Variants in JMY observed in about 807,000 individuals in gnomAD.
JMY encodes junction mediating and regulatory protein, p53 cofactor.
In JMY, 46 loss-of-function variants were observed where a neutral mutation model predicts 103.3. The observed-to-expected ratio is 0.45, with a 90% confidence interval of 0.35 to 0.57. The LOEUF is 0.57. JMY is among the 20% of genes least tolerant of loss of function. The pLI, the probability that JMY is intolerant of heterozygous loss-of-function variation, is 0.00. For synonymous variants in JMY, 526 were observed against 489.3 expected (o/e 1.07, Z -0.99); for missense variants, 1,238 against 1,255.2 (o/e 0.99, Z 0.21).
chr5:79,321,153 C>T (rs1055928641), intron 10 of JMY, among the ~76,000 whole-genome samples: 2 of 152,180 alleles, frequency 1.3e-5, no homozygotes, highest in Admixed American at 6.5e-5. Context: ...TATATAAATG[C>T]TCCTGTGCTT....
intron 1 of JMY, among the ~76,000 whole-genome samples, chr5:79,272,878 C>T (rs563996052): frequency 9.8e-5 from 15 of 152,318 alleles, no homozygotes; most frequent in African/African-American, 3.6e-4. Flanking sequence ...TCAAGTGATC[C>T]ACCTGCCTCG....
rs1159751209 is a variant in JMY at position 79,316,046 on chromosome 5, T to G, written c.2706T>G (p.Ser902Arg). ...TGCTAGCCTCCTTGAAGCGTGGTAG[T>G]TTTCATCTGAAAAAGGTTGAACAGC... Reference protein sequence around the residue: ...DEVLASLKRGSFHLKKVEQRT... With the variant: ...DEVLASLKRGRFHLKKVEQRT... The change falls in exon 10 of 11, where the codon AGT becomes AGG. Residue 902 changes from serine (S) to arginine (R), a missense_variant. Ser to Arg is a moderately radical substitution (Grantham distance 110). Transcript: ENST00000396137. 2 of 1,614,224 alleles carry G rather than the reference T, an allele frequency of 1.2e-6. No individual in the cohort carries two copies. Among genetic ancestry groups the G allele is most frequent in the East Asian group, 2.2e-5 (1 of 44,888 alleles).
intron 10 of JMY, among the ~76,000 whole-genome samples, chr5:79,319,968 G>A (rs909315348): frequency 1.3e-5 from 2 of 152,280 alleles, no homozygotes; most frequent in East Asian, 1.9e-4. Context: ...GGTAATGAAG[G>A]TCCCTTGTTC....
intron 2 of JMY, chr5:79,284,917 A>G: frequency 6.5e-7 from 1 of 1,540,142 alleles, no homozygotes; most frequent in Non-Finnish European, 8.9e-7. Flanking sequence ...GCCAACCGCC[A>G]TGGTGCTGGT....
chr5:79,243,178 A>G (rs1744792225), intron 1 of JMY, among the ~76,000 whole-genome samples: 1 of 151,772 alleles, frequency 6.6e-6, no homozygotes. Flanking sequence ...TGAAGGGGCA[A>G]GGGGCAAGGA....
rs76334780 is a variant in JMY at position 79,272,946 on chromosome 5, T to C, written c.1033-4964T>C. 4.9e-3 allele frequency among the ~76,000 whole-genome samples: 753 copies of C among 152,324 alleles called. 3 individuals are homozygous for C. Among genetic ancestry groups the C allele is most frequent in the African/African-American group, 0.018 (730 of 41,580 alleles). On this transcript the variant is annotated intron_variant, in intron 1 of 10. Transcript: ENST00000396137. ...CCACTGCACCCAGCCCATCTTATAC[T>C]TAAGAACCCATATGTGTCTGTATAG...
intron 1 of JMY, among the ~76,000 whole-genome samples, chr5:79,267,086 C>T (rs1745607222): frequency 1.3e-5 from 2 of 152,294 alleles, no homozygotes; most frequent in South Asian, 4.1e-4. Flanking sequence ...CTTCATACCT[C>T]TCTCCTGCCT....
intron 1 of JMY, among the ~76,000 whole-genome samples, chr5:79,265,388 G>A (rs980927488): frequency 1.3e-5 from 2 of 152,164 alleles, no homozygotes; most frequent in Non-Finnish European, 2.9e-5. Context: ...AAAGTTTAAT[G>A]TATACACTTA....
chr5:79,307,837 C>G (rs1388698224), intron 7 of JMY, among the ~76,000 whole-genome samples: 1 of 152,120 alleles, frequency 6.6e-6, no homozygotes, highest in Non-Finnish European at 1.5e-5. Flanking sequence ...CTCCTGGGTT[C>G]AAGCAATTCT....
rs190164048 is a variant in JMY at position 79,253,586 on chromosome 5, A to G, written c.1032+15904A>G. 1.2e-4 allele frequency among the ~76,000 whole-genome samples: 18 copies of G among 152,280 alleles called. No homozygotes were observed. In the East Asian group the frequency reaches 3.5e-3, roughly 29 times the overall value. ...GGATTATAGGCGTGAGCCACCGCCC[A>G]GCCTGGTTCATCATTTAATCTTTCT... On this transcript the variant is annotated intron_variant, in intron 1 of 10. Coordinates refer to ENST00000396137, the MANE Select transcript of JMY (RefSeq NM_152405.5).
At chr5:79,258,817 C>T (rs1486902608) in intron 1 of JMY, among the ~76,000 whole-genome samples, 2 of 152,186 alleles carry the variant, frequency 1.3e-5, no homozygotes. Context: ...CCCCAGAGGG[C>T]CACAGCTCTT....
chr5:79,308,094 C>T (rs950854569), intron 7 of JMY, among the ~76,000 whole-genome samples: 2 of 151,886 alleles, frequency 1.3e-5, no homozygotes, highest in African/African-American at 2.4e-5. Context: ...TTTAGGAGTT[C>T]TTCATATATT....
chr5:79,300,824 A>C lies in JMY; in HGVS notation c.1842A>C (p.Gly614=). 1 of 1,603,362 alleles carries C rather than the reference A, an allele frequency of 6.2e-7. No homozygotes were observed. ...QKARQLEARR[G]RVSAKKSYLR... is the part of the protein sequence containing the mutation. Reference sequence around the variant, plus strand: ...CACGCCAGCTGGAAGCAAGACGTGGACGGGTTTCTGCCAAGAAATCCTACC... The same window carrying C: ...CACGCCAGCTGGAAGCAAGACGTGGCCGGGTTTCTGCCAAGAAATCCTACC... The change falls in exon 6 of 11, where the codon GGA becomes GGC. Residue 614 remains glycine, a synonymous_variant. Coordinates refer to ENST00000396137, the MANE Select transcript of JMY (RefSeq NM_152405.5).
chr5:79,283,040 A>G (rs1453205408), intron 2 of JMY, among the ~76,000 whole-genome samples: 1 of 151,256 alleles, frequency 6.6e-6, no homozygotes, highest in Non-Finnish European at 1.5e-5. Flanking sequence ...CTTGTTGCCC[A>G]GGCTGGAGTG....
intron 1 of JMY, among the ~76,000 whole-genome samples, chr5:79,257,136 G>A (rs971396905): frequency 5.3e-5 from 8 of 150,290 alleles, no homozygotes; most frequent in African/African-American, 1.7e-4. Flanking sequence ...GCAGTGGTGC[G>A]ATCTCGGCTC....
chr5:79,264,055 G>A (rs1463589019), intron 1 of JMY, among the ~76,000 whole-genome samples: 1 of 152,056 alleles, frequency 6.6e-6, no homozygotes, highest in Non-Finnish European at 1.5e-5. Flanking sequence ...CCAAAGTGCT[G>A]GGATTACAGG....
At chr5:79,272,885 C>T (rs1438828572) in intron 1 of JMY, among the ~76,000 whole-genome samples, 1 of 152,178 alleles carries the variant, frequency 6.6e-6, no homozygotes, top group Admixed American at 6.5e-5. Flanking sequence ...ATCCACCTGC[C>T]TCGGCCTCCC....
At chr5:79,270,643 T>TTATATAAAATATATTTACATAAA in intron 1 of JMY, among the ~76,000 whole-genome samples, 2 of 140,804 alleles carry the variant, frequency 1.4e-5, no homozygotes, top group African/African-American at 5.6e-5. Flanking sequence ...ACATAAATAT[T>TTATATAAAATATATTTACATAAA]TATATAAAAT....
intron 1 of JMY, among the ~76,000 whole-genome samples, chr5:79,270,417 A>G (rs998838148): frequency 2.2e-4 from 19 of 88,054 alleles, no homozygotes; most frequent in African/African-American, 8.0e-4. Flanking sequence ...AATATTTAAA[A>G]TATATATTTA....
Sources: allele counts gnomAD v4.1 joint callset (sites outside exome capture counted in the v4.1 genomes callset), GRCh38; gene constraint gnomAD v4.1.1; transcripts MANE v1.5; gene names NCBI Gene and HGNC (gene_info 2026-07-23, HGNC 2026-07-21).